Variants in CLYBL observed in about 807,000 individuals in gnomAD.
CLYBL encodes the protein citramalyl-CoA lyase, also known as citramalyl-CoA lyase, mitochondrial.
Under a neutral mutation model 38.9 loss-of-function variants are expected in CLYBL, and 31 were observed. That is an observed-to-expected ratio of 0.80 (90% CI 0.60 to 1.08). CLYBL has a LOEUF of 1.08. Among genes scored for constraint, CLYBL ranks in the 50% least tolerant of loss-of-function variants. The pLI is 0.00. For missense variants in CLYBL, 434 were observed against 411.6 expected, an observed-to-expected ratio of 1.05 and a Z score of -0.47; for synonymous variants, 171 against 158.6, an observed-to-expected ratio of 1.08 and a Z score of -0.59.
chr13:99,610,887 T>C (rs1279985827), intron 1 of CLYBL, among the ~76,000 whole-genome samples: 1 of 152,208 alleles, frequency 6.6e-6, no homozygotes, highest in Non-Finnish European at 1.5e-5. Context: ...TGATGGTAAA[T>C]AAGTACTTCT....
chr13:99,705,309 G>A (rs759785808), intron 1 of CLYBL, among the ~76,000 whole-genome samples: 1 of 152,050 alleles, frequency 6.6e-6, no homozygotes, highest in Non-Finnish European at 1.5e-5. Context: ...TACCAGTCAC[G>A]GTGGCTCACA....
At chr13:99,838,763 G>A (rs1414557255) in intron 2 of CLYBL, among the ~76,000 whole-genome samples, 1 of 151,988 alleles carries the variant, frequency 6.6e-6, no homozygotes, top group African/African-American at 2.4e-5. Context: ...AGCCTCCCGA[G>A]TAGCTGGGAC....
chr13:99,791,789 A>G (rs1043949781), intron 2 of CLYBL, among the ~76,000 whole-genome samples: 2 of 152,222 alleles, frequency 1.3e-5, no homozygotes, highest in Non-Finnish European at 2.9e-5. Flanking sequence ...TGAGAGCATC[A>G]GTTCAAGTCT....
chr13:99,688,611 TA>T (rs1287818996), intron 1 of CLYBL, among the ~76,000 whole-genome samples: 2 of 151,938 alleles, frequency 1.3e-5, no homozygotes, highest in African/African-American at 2.4e-5. Flanking sequence ...TTTTTTTTTT[TA>T]GTGTACAAAC....
intron 1 of CLYBL, among the ~76,000 whole-genome samples, chr13:99,676,399 T>C (rs907426538): frequency 6.6e-6 from 1 of 151,066 alleles, no homozygotes; most frequent in African/African-American, 2.4e-5. Context: ...AGCCTCCACC[T>C]CATTTGTTCT....
intron 1 of CLYBL, among the ~76,000 whole-genome samples, chr13:99,662,938 A>C (rs773557666): frequency 6.6e-6 from 1 of 152,220 alleles, no homozygotes; most frequent in Non-Finnish European, 1.5e-5. Flanking sequence ...CGAGATGGTC[A>C]CTGCTGGTCC....
chr13:99,850,742 T>G (rs985234145), intron 2 of CLYBL, among the ~76,000 whole-genome samples: 1 of 152,170 alleles, frequency 6.6e-6, no homozygotes, highest in Non-Finnish European at 1.5e-5. Context: ...CATAGCAGCA[T>G]TATTCACAAT....
At chr13:99,697,537 T>C (rs913465770) in intron 1 of CLYBL, among the ~76,000 whole-genome samples, 1 of 151,822 alleles carries the variant, frequency 6.6e-6, no homozygotes, top group Non-Finnish European at 1.5e-5. Context: ...CCAGCTAATT[T>C]TTGTATTTTT....
At chr13:99,894,622 C>G, downstream of CLYBL, 1 of 151,376 alleles carries the variant, frequency 6.6e-6, no homozygotes, top group East Asian at 1.9e-4. Context: ...GTATGCAAAG[C>G]CCCGTCACGG....
chr13:99,752,056 C>T (rs1278148795), intron 1 of CLYBL, among the ~76,000 whole-genome samples: 1 of 152,134 alleles, frequency 6.6e-6, no homozygotes, highest in African/African-American at 2.4e-5. Context: ...ACAACACACA[C>T]AACATACAAA....
chr13:99,650,180 G>C (rs927866424), intron 1 of CLYBL, among the ~76,000 whole-genome samples: 3 of 151,856 alleles, frequency 2.0e-5, no homozygotes, highest in Admixed American at 6.6e-5. Flanking sequence ...GGAGAATGGC[G>C]TGAACCCAGG....
At chr13:99,784,449 C>CTCTCTTTTTTT (rs71121010) in intron 2 of CLYBL, among the ~76,000 whole-genome samples, 4 of 52,092 alleles carry the variant, frequency 7.7e-5, no homozygotes, top group African/African-American at 1.2e-4. Context: ...AAAATTCTCT[C>CTCTCTTTTTTT]TTTTTTTTTT....
In CLYBL at chr13:99,836,901, A is replaced by T. The variant is rs143931524; in HGVS notation, c.250-21960A>T. 9.3e-3 allele frequency among the ~76,000 whole-genome samples: 1,414 copies of T among 151,820 alleles called. 17 individuals are homozygous for T. Among genetic ancestry groups the T allele is most frequent in the African/African-American group, 0.032 (1,304 of 41,358 alleles). On this transcript the variant is annotated intron_variant, in intron 2 of 8. Coordinates refer to ENST00000339105, the MANE Select transcript of CLYBL (RefSeq NM_206808.5). Reference sequence around the variant, plus strand: ...ACCGGGGACTGTTGTGGGGTGGGGGAAGGGGGAGGGATAGCATTAGGAGAT... The same window carrying T: ...ACCGGGGACTGTTGTGGGGTGGGGGTAGGGGGAGGGATAGCATTAGGAGAT...
intron 1 of CLYBL, among the ~76,000 whole-genome samples, chr13:99,746,972 G>A (rs921412760): frequency 8.5e-5 from 13 of 152,194 alleles, no homozygotes; most frequent in Non-Finnish European, 1.6e-4. Flanking sequence ...CGCATTGTGT[G>A]CCTGAACGTG....
intron 1 of CLYBL, among the ~76,000 whole-genome samples, chr13:99,723,194 C>T (rs2048419547): frequency 2.0e-5 from 3 of 152,212 alleles, no homozygotes; most frequent in South Asian, 4.1e-4. Flanking sequence ...GGCTGGTGGA[C>T]TTCCGGAGCA....
At chr13:99,621,192 C>G (rs1308394434) in intron 1 of CLYBL, among the ~76,000 whole-genome samples, 2 of 152,108 alleles carry the variant, frequency 1.3e-5, no homozygotes, top group African/African-American at 4.8e-5. Context: ...TGCCCACCCC[C>G]TTGGACAGCA....
At chr13:99,691,661 C>T (rs867311229) in intron 1 of CLYBL, among the ~76,000 whole-genome samples, 2 of 151,992 alleles carry the variant, frequency 1.3e-5, no homozygotes, top group African/African-American at 2.4e-5. Context: ...AATCACTGTA[C>T]GTGATAAGAA....
chr13:99,850,549 A>G (rs1055795442), intron 2 of CLYBL, among the ~76,000 whole-genome samples: 2 of 152,228 alleles, frequency 1.3e-5, no homozygotes, highest in African/African-American at 4.8e-5. Context: ...GATGTGGAGA[A>G]ATATGAATCC....
At chr13:99,754,115 A>AAAG (rs2049008350) in intron 1 of CLYBL, among the ~76,000 whole-genome samples, 1 of 138,458 alleles carries the variant, frequency 7.2e-6, no homozygotes. Context: ...AAAAAAAAAA[A>AAAG]GTATTAGGAC....
Sources: gnomAD v4.1 joint callset for allele counts (sites outside exome capture counted in the v4.1 genomes callset) on GRCh38, gnomAD v4.1.1 for gene constraint, MANE v1.5 for transcripts, NCBI Gene and HGNC (gene_info 2026-07-23, HGNC 2026-07-21) for gene names.